The following MACROH2A2 variants were observed in gnomAD, a reference collection of about 807,000 sequenced individuals.
The protein encoded by MACROH2A2 is macroH2A.2 histone.
A neutral mutation model predicts 37.6 loss-of-function variants in MACROH2A2; 6 were observed. The ratio of observed to expected loss-of-function variants is 0.16; its 90% CI spans 0.09 to 0.32. The LOEUF is 0.32. Ranked by LOEUF, MACROH2A2 falls within the 10% of genes least tolerant of loss-of-function variation. MACROH2A2 has a pLI of 1.00. For missense variants in MACROH2A2, 290 were observed against 485.9 expected, an observed-to-expected ratio of 0.60 and a Z score of 3.79; for synonymous variants, 192 against 202.7, an observed-to-expected ratio of 0.95 and a Z score of 0.45.
intron 1 of MACROH2A2, among the ~76,000 whole-genome samples, chr10:70,067,845 T>C (rs2072087610): frequency 6.6e-6 from 1 of 152,132 alleles, no homozygotes; most frequent in South Asian, 2.1e-4. Context: ...AGGCGATCAG[T>C]GGAGGAAATA....
At chr10:70,101,874 C>G (rs369973012) in intron 7 of MACROH2A2, among the ~76,000 whole-genome samples, 9 of 152,244 alleles carry the variant, frequency 5.9e-5, no homozygotes, top group African/African-American at 2.2e-4. Context: ...TTTAACCGTT[C>G]ATTTACTGAT....
chr10:70,093,765 A>T lies in MACROH2A2; in HGVS notation c.508A>T (p.Thr170Ser). 1 of 1,610,662 alleles carries T rather than the reference A, an allele frequency of 6.2e-7. No individual in the cohort carries two copies. Among genetic ancestry groups the T allele is most frequent in the Non-Finnish European group, 8.5e-7 (1 of 1,176,812 alleles). ...ACCAAAGGACAGCGATAAAGAAGGA[A>T]CTTCAAATTCCACCTCTGAAGATGG... is the stretch of plus-strand genomic sequence containing the variant. Reference protein sequence around the residue: ...SKPKDSDKEGTSNSTSEDGPG... With the variant: ...SKPKDSDKEGSSNSTSEDGPG... The change falls in exon 5 of 9, where the codon ACT becomes TCT. Residue 170 changes from threonine (T) to serine (S), a missense_variant. Coordinates refer to ENST00000373255, the MANE Select transcript of MACROH2A2 (RefSeq NM_018649.3).
chr10:70,080,279 CA>C (rs35056111), intron 2 of MACROH2A2, among the ~76,000 whole-genome samples: 6,620 of 112,396 alleles, frequency 0.059, 395 homozygotes, highest in East Asian at 0.28. Flanking sequence ...AACTCCATCT[CA>C]AAAAAAAAAA....
At chr10:70,087,634 T>C (rs1367586608) in intron 2 of MACROH2A2, among the ~76,000 whole-genome samples, 1 of 152,198 alleles carries the variant, frequency 6.6e-6, no homozygotes, top group Non-Finnish European at 1.5e-5. Context: ...TTAATTTCAT[T>C]TTTCCAGTAT....
intron 1 of MACROH2A2, among the ~76,000 whole-genome samples, chr10:70,056,920 A>C (rs2072021743): frequency 6.6e-6 from 1 of 152,194 alleles, no homozygotes; most frequent in Admixed American, 6.5e-5. Context: ...GAAGTATATG[A>C]GTTCCAATAT....
chr10:70,086,841 A>G (rs1039163933), intron 2 of MACROH2A2, among the ~76,000 whole-genome samples: 7 of 152,158 alleles, frequency 4.6e-5, no homozygotes, highest in East Asian at 1.9e-4. Flanking sequence ...GAGCAGGGGC[A>G]GCACACTTCC....
intron 1 of MACROH2A2, among the ~76,000 whole-genome samples, chr10:70,061,168 A>G (rs1434635770): frequency 6.6e-6 from 1 of 152,050 alleles, no homozygotes; most frequent in East Asian, 1.9e-4. Context: ...ATAATTTTAA[A>G]TATTGTTTAT....
At chr10:70,071,092 T>TGTGC (rs1163938604) in intron 1 of MACROH2A2, among the ~76,000 whole-genome samples, 1 of 151,220 alleles carries the variant, frequency 6.6e-6, no homozygotes, top group Non-Finnish European at 1.5e-5. Flanking sequence ...TGTGTGTGTG[T>TGTGC]GTGCGCGTGT....
intron 2 of MACROH2A2, among the ~76,000 whole-genome samples, chr10:70,081,068 CAAAAAAAAAAAAA>C (rs34688764): frequency 5.2e-4 from 24 of 45,832 alleles, no homozygotes; most frequent in South Asian, 2.2e-3. Context: ...CCCTGTCTCT[CAAAAAAAAAAAAA>C]AAAAAAAAAA....
chr10:70,109,335 A>G (rs1168771574), intron 8 of MACROH2A2, 128 bp downstream of exon 8: 11 of 756,596 alleles, frequency 1.5e-5, no homozygotes, highest in Non-Finnish European at 2.2e-5. Context: ...ACCAGATGAC[A>G]GGGCAGGAAA....
At chr10:70,071,348 C>G (rs980934242) in intron 1 of MACROH2A2, among the ~76,000 whole-genome samples, 10 of 152,088 alleles carry the variant, frequency 6.6e-5, no homozygotes, top group African/African-American at 2.4e-4. Context: ...CCTTTATGAG[C>G]CTGTGTAGGC....
chr10:70,090,875 C>T (rs374560343), intron 3 of MACROH2A2, among the ~76,000 whole-genome samples: 11 of 152,342 alleles, frequency 7.2e-5, no homozygotes, highest in East Asian at 5.8e-4. Flanking sequence ...TTGTCACTGA[C>T]GGGTAACTAC....
At chr10:70,063,153 A>G (rs946532748) in intron 1 of MACROH2A2, among the ~76,000 whole-genome samples, 2 of 152,208 alleles carry the variant, frequency 1.3e-5, no homozygotes, top group African/African-American at 2.4e-5. Context: ...GGCTCAACGT[A>G]TATCAGCTCC....
rs2072376505 is a variant in MACROH2A2, at chr10:70,111,713, A to G, written c.*30A>G. ...CGCACTTTCCAGCAGGGATCGGAGG[A>G]CGACCCGAGTCCCAAGAGTGGGGTT... On this transcript the variant is annotated 3_prime_UTR_variant, in exon 9 of 9. Transcript: ENST00000373255. The G allele has an allele frequency of 1.3e-6, 2 of 1,552,568 alleles. No homozygotes were observed. The highest frequency in any genetic ancestry group is 1.7e-6 in the Non-Finnish European group (2 of 1,145,166).
chr10:70,059,472 A>G (rs2072038607), intron 1 of MACROH2A2, among the ~76,000 whole-genome samples: 1 of 151,172 alleles, frequency 6.6e-6, no homozygotes, highest in Non-Finnish European at 1.5e-5. Context: ...TCCTAGGTTC[A>G]TGATTTTCCT....
intron 7 of MACROH2A2, among the ~76,000 whole-genome samples, chr10:70,102,451 G>T (rs564047803): frequency 6.6e-6 from 1 of 152,208 alleles, no homozygotes; most frequent in Admixed American, 6.5e-5. Context: ...AGGTACTGTG[G>T]CTCATGCGTG....
intron 8 of MACROH2A2, among the ~76,000 whole-genome samples, 173 bp downstream of exon 8, chr10:70,109,380 G>C (rs1237478896): frequency 6.6e-6 from 1 of 152,334 alleles, no homozygotes; most frequent in East Asian, 1.9e-4. Flanking sequence ...ATGGGGAAGC[G>C]AGCCCACTGG....
intron 7 of MACROH2A2, among the ~76,000 whole-genome samples, chr10:70,105,762 G>T (rs2072334040): frequency 6.6e-6 from 1 of 152,148 alleles, no homozygotes; most frequent in South Asian, 2.1e-4. Context: ...GGGTGAAAAT[G>T]AAGCACATGG....
At chr10:70,084,210 G>T (rs773420155) in intron 2 of MACROH2A2, among the ~76,000 whole-genome samples, 2 of 152,060 alleles carry the variant, frequency 1.3e-5, no homozygotes, top group African/African-American at 2.4e-5. Flanking sequence ...CTTATTTATT[G>T]CATTTGTGTT....
Sources: allele counts gnomAD v4.1 joint callset (sites outside exome capture counted in the v4.1 genomes callset), GRCh38; gene constraint gnomAD v4.1.1; transcripts MANE v1.5; gene names NCBI Gene and HGNC (gene_info 2026-07-23, HGNC 2026-07-21).